Variants in SET observed in about 807,000 individuals in gnomAD.
The protein encoded by SET is protein SET.
Under a neutral mutation model 39.0 loss-of-function variants are expected in SET, and 4 were observed. The ratio of observed to expected loss-of-function variants is 0.10; its 90% confidence interval spans 0.05 to 0.23. SET has a LOEUF of 0.23. Ranked by LOEUF, SET falls within the 10% of genes least tolerant of loss-of-function variation. The pLI, the probability that SET is intolerant of heterozygous loss-of-function variation, is 1.00. For synonymous variants in SET, 114 were observed against 115.9 expected (o/e 0.98, Z 0.11); for missense variants, 137 against 329.7 (o/e 0.42, Z 4.53).
chr9:128,693,475 C>T (rs537327579), intron 5 of SET, among the ~76,000 whole-genome samples, 163 bp from the exon 6 acceptor site: 2 of 152,162 alleles, frequency 1.3e-5, no homozygotes, highest in Non-Finnish European at 2.9e-5. Context: ...CTACCTCTAC[C>T]TGCTGCACAG....
At chr9:128,692,833 G>A in intron 4 of SET, 35 bp from the exon 5 acceptor site, 1 of 1,515,228 alleles carries the variant, frequency 6.6e-7, no homozygotes, top group Non-Finnish European at 9.2e-7. Flanking sequence ...TGGAAGACCT[G>A]TTCATATTTC....
At chr9:128,683,924 C>A in exon 1 of SET, 1 of 1,555,040 alleles carries the variant, frequency 6.4e-7, no homozygotes, top group Non-Finnish European at 8.7e-7. Context: ...TCTCCACTCC[C>A]GCCTCAAAAG....
intron 1 of SET, 73 bp from the exon 2 acceptor site, chr9:128,691,097 A>G (rs1564359785): frequency 1.5e-5 from 18 of 1,176,266 alleles, no homozygotes; most frequent in Non-Finnish European, 2.3e-5. Context: ...GGCTTTTGGA[A>G]TATTATAGTA....
intron 2 of SET, 27 bp downstream of exon 2, chr9:128,691,254 A>G (rs775249298): frequency 3.6e-5 from 53 of 1,471,224 alleles, no homozygotes; most frequent in Non-Finnish European, 4.7e-5. Context: ...TATACTTCGG[A>G]GAAATTTTCT....
At chr9:128,689,144 T>C, upstream of SET, 2 of 439,514 alleles carry the variant, frequency 4.6e-6, no homozygotes, top group Non-Finnish European at 6.0e-6. Flanking sequence ...CCCAGGCCAA[T>C]GGCGCCGCGG....
At chr9:128,690,856 A>C in intron 1 of SET, 1 of 346,668 alleles carries the variant, frequency 2.9e-6, no homozygotes, top group South Asian at 3.3e-5. Flanking sequence ...ATAAACGTGA[A>C]GACTTCTGAA....
chr9:128,686,954 C>A (rs1438187972), upstream of SET, among the ~76,000 whole-genome samples: 1 of 152,158 alleles, frequency 6.6e-6, no homozygotes, highest in Non-Finnish European at 1.5e-5. Context: ...CAGAGAGAGA[C>A]CCTGTCTCAT....
At chr9:128,685,352 T>C (rs1861248687), upstream of SET, 4 of 698,136 alleles carry the variant, frequency 5.7e-6, no homozygotes, top group South Asian at 5.3e-5. Context: ...TGCTCTAGAG[T>C]GCATTTGTGC....
chr9:128,684,104 T>A (rs1038494971), intron 1 of SET: 5 of 951,588 alleles, frequency 5.3e-6, no homozygotes, highest in Admixed American at 2.4e-5. Context: ...ATGTGACCCC[T>A]AAGCACCCCC....
chr9:128,692,704 A>G lies in SET; in HGVS notation c.317A>G (p.Tyr106Cys). The G allele has an allele frequency of 1.2e-6, 2 of 1,612,612 alleles. No homozygotes were observed. Among genetic ancestry groups the G allele is most frequent in the Non-Finnish European group, 1.7e-6 (2 of 1,179,500 alleles). The change falls in exon 4 of 8, where the codon TAT becomes TGT. Residue 106 changes from tyrosine (Y) to cysteine (C), a missense_variant. This residue lies in a region of SET where 59 missense variants were observed against 237.2 expected (regional missense o/e 0.25). Coordinates refer to ENST00000322030, the MANE Select transcript of SET (RefSeq NM_003011.4). ...GAGGAAGATGAAGAGGCACTGCATT[A>G]TTTGACCAGAGTTGAAGTGACAGAA... is the stretch of plus-strand genomic sequence containing the variant. ...LGEEDEEALH[Y>C]LTRVEVTEFE...
intron 1 of SET, chr9:128,690,861 T>G: frequency 2.7e-6 from 1 of 364,476 alleles, no homozygotes. Context: ...CGTGAAGACT[T>G]CTGAATAAGG....
chr9:128,687,617 C>CAA (rs57072661), upstream of SET, among the ~76,000 whole-genome samples: 7 of 79,630 alleles, frequency 8.8e-5, 1 homozygote, highest in African/African-American at 2.3e-4. Flanking sequence ...CCTCCCCCAC[C>CAA]AAAAAAAAAA....
In SET at chr9:128,689,277, C is replaced by G. The variant is rs1861404693; in HGVS notation, c.-306C>G. 4 of 1,011,194 alleles carry G rather than the reference C, an allele frequency of 4.0e-6. No homozygotes were observed. In the South Asian group the frequency reaches 1.4e-4, roughly 34 times the overall value. The allele number at this position is 1,011,194 out of a possible 1,614,324, so 62.6% of individuals were successfully genotyped here. A position where few individuals can be genotyped will look rare whatever the true frequency, so the allele number is the denominator to read the frequency against. On this transcript the variant is annotated 5_prime_UTR_variant, in exon 1 of 8. Transcript: ENST00000322030. ...GCGGCTCGGGAGAGCGAGCAGCGAG[C>G]TGGCTGGATCGCCGAGCGCGAGTGA...
upstream of SET, among the ~76,000 whole-genome samples, chr9:128,685,521 C>T (rs1372776674): frequency 1.3e-5 from 2 of 152,206 alleles, no homozygotes; most frequent in African/African-American, 4.8e-5. Flanking sequence ...AGAAGCTGTG[C>T]CAAGCACTTC....
chr9:128,692,356 G>A lies in SET; in HGVS notation c.275-306G>A, dbSNP rs1009107839. The A allele has an allele frequency of 1.1e-4, 22 of 208,964 alleles. No homozygotes were observed. In the Admixed American group the frequency reaches 1.2e-3, roughly 11 times the overall value. The allele number at this position is 208,964 out of a possible 1,614,324, so 12.9% of individuals were successfully genotyped here. ...AGGTTGCAGTGAGCCGAGATTGTGC[G>A]CTTTTGCATTCCAGCCTGGGCGACA... On this transcript the variant is annotated intron_variant, in intron 3 of 7. Transcript: ENST00000322030.
rs1431493332 is a variant in SET at position 128,693,819 on chromosome 9, ATAC to A, written c.663+13_663+15del. 2 of 1,611,036 alleles carry A rather than the reference ATAC, an allele frequency of 1.2e-6. No individual in the cohort carries two copies. Among genetic ancestry groups the A allele is most frequent in the Non-Finnish European group, 1.7e-6 (2 of 1,179,022 alleles). On this transcript the variant is annotated intron_variant, in intron 6 of 7. Transcript: ENST00000322030. ...TTACAGTACTACTTGGTGAGTTCTAATACTCATTTATTCAAGGTTGGACTTGTC... is the reference window on the plus strand; with the variant it reads ...TTACAGTACTACTTGGTGAGTTCTAATCATTTATTCAAGGTTGGACTTGTC...
rs2132261486 is a variant in SET at position 128,696,184 on chromosome 9, A to G, written c.*1520A>G. ...CGCTGAAATTAAATGCCACTTTTTC[A>G]GAGGTGAATTAATGGACAGTCTGGT... is the stretch of plus-strand genomic sequence containing the variant. On this transcript the variant is annotated 3_prime_UTR_variant, in exon 8 of 8. Coordinates refer to ENST00000322030, the MANE Select transcript of SET (RefSeq NM_003011.4). The G allele has an allele frequency of 9.5e-6, 2 of 211,058 alleles. No individual in the cohort carries two copies. Among genetic ancestry groups the G allele is most frequent in the Middle Eastern group, 1.5e-3 (1 of 654 alleles). 13.1% of individuals were successfully genotyped at this position (211,058 alleles called of 1,614,324 possible). A position where few individuals can be genotyped will look rare whatever the true frequency, so the allele number is the denominator to read the frequency against.
rs1861713210 is a variant in SET, at chr9:128,695,748, GT to G, written c.*1087del. 4.4e-6 allele frequency: 1 copy of G among 227,360 alleles called. No individual in the cohort carries two copies. The highest frequency in any genetic ancestry group is 8.8e-6 in the Non-Finnish European group (1 of 113,678). 14.1% of individuals were successfully genotyped at this position (227,360 alleles called of 1,614,324 possible). A position where few individuals can be genotyped will look rare whatever the true frequency, so the allele number is the denominator to read the frequency against. On this transcript the variant is annotated 3_prime_UTR_variant, in exon 8 of 8. Transcript: ENST00000322030. Reference sequence around the variant, plus strand: ...GAAACGTGGGTTCAATTTGCCATTGGTTTCTGAAAGTATTCACATCATTTGG... The same window carrying G: ...GAAACGTGGGTTCAATTTGCCATTGGTTCTGAAAGTATTCACATCATTTGG...
chr9:128,691,362 A>G (rs1861529581), intron 2 of SET, 135 bp downstream of exon 2: 2 of 646,260 alleles, frequency 3.1e-6, no homozygotes, highest in Non-Finnish European at 5.4e-6. Context: ...ATACTTATGT[A>G]GATTCAGTGT....
Sources: gnomAD v4.1 joint callset for allele counts (sites outside exome capture counted in the v4.1 genomes callset) on GRCh38, gnomAD v4.1.1 for gene constraint, gnomAD v4.1.1 regional missense constraint, MANE v1.5 for transcripts, NCBI Gene and HGNC (gene_info 2026-07-23, HGNC 2026-07-21) for gene names.